Variants in ANO8 observed in about 807,000 individuals in gnomAD.
The protein encoded by ANO8 is anoctamin 8.
Under a neutral mutation model 120.4 loss-of-function variants are expected in ANO8, and 67 were observed. The ratio of observed to expected loss-of-function variants is 0.56; its 90% confidence interval spans 0.46 to 0.68. ANO8 has a LOEUF of 0.68. Among genes scored for constraint, ANO8 ranks in the 30% least tolerant of loss-of-function variants. The probability of loss-of-function intolerance (pLI) is 0.00; values close to 1 mark genes in which losing one functional copy is unlikely to be tolerated. For missense variants in ANO8, 1,526 were observed against 1,737.6 expected (o/e 0.88, Z 2.16); for synonymous variants, 727 against 759.2 (o/e 0.96, Z 0.70).
chr19:17,333,716 T>C lies in ANO8; in HGVS notation c.191A>G (p.Asn64Ser). The stretch of plus-strand genomic sequence containing the variant: ...TGGGAAGGTCATCAGCACGTCGCAG[T>C]TCTCTGTAGGCACCGTCTTCATCCA... ...KAWMKTVPTE[N>S]CDVLMTFPDT... Residue 64 changes from asparagine to serine, a missense_variant, in exon 2 of 18, where the codon AAC becomes AGC. By Grantham distance (46) the Asn-to-Ser change is conservative (BLOSUM62 1). Around this residue, in one of 8 missense-constraint regions of ANO8, gnomAD observed 322 missense variants for 431.8 expected, o/e 0.75. Coordinates refer to ENST00000159087, the MANE Select transcript of ANO8 (RefSeq NM_020959.3). The surrounding 1 kb of genome is among the most constrained non-coding windows in gnomAD (Gnocchi z 7.2). 6.2e-7 allele frequency: 1 copy of C among 1,606,836 alleles called. No homozygotes were observed. Among genetic ancestry groups the C allele is most frequent in the Non-Finnish European group, 8.5e-7 (1 of 1,177,826 alleles).
rs547087516 is a variant in ANO8, at chr19:17,327,993, T to TCAGCCAGC, written c.2227-121_2227-114dup. 307 of 1,448,960 alleles carry TCAGCCAGC rather than the reference T, an allele frequency of 2.1e-4. 1 individual carries two copies. In the East Asian group the frequency reaches 5.8e-3, roughly 27 times the overall value. The allele number at this position is 1,448,960 out of a possible 1,614,324, so 89.8% of individuals were successfully genotyped here. A position where few individuals can be genotyped will look rare whatever the true frequency, so the allele number is the denominator to read the frequency against. ...GTGGACCCAGGGCCTGTCCCCATCCTCAGCCAGCCCAGAGGCTTCCTGTAT... is the reference window on the plus strand; with the variant it reads ...GTGGACCCAGGGCCTGTCCCCATCCTCAGCCAGCCAGCCAGCCCAGAGGCTTCCTGTAT... On this transcript the variant is annotated intron_variant, in intron 13 of 17. Coordinates refer to ENST00000159087, the MANE Select transcript of ANO8 (RefSeq NM_020959.3).
intron 12 of ANO8, 163 bp downstream of exon 12, chr19:17,329,592 CAG>C: frequency 1.6e-6 from 1 of 623,880 alleles, no homozygotes; most frequent in Non-Finnish European, 2.8e-6. Flanking sequence ...GGACGACAGG[CAG>C]AGAGAGGACG....
rs752282232 is a variant in ANO8 at position 17,331,119 on chromosome 19, G to C, written c.800C>G (p.Ser267Cys). 2.5e-5 allele frequency: 40 copies of C among 1,614,112 alleles called. No individual in the cohort carries two copies. The highest frequency in any genetic ancestry group is 3.3e-5 in the Non-Finnish European group (39 of 1,180,046). The change falls in exon 7 of 18, where the codon TCT becomes TGT. Residue 267 changes from serine to cysteine, a missense_variant. Coordinates refer to ENST00000159087, the MANE Select transcript of ANO8 (RefSeq NM_020959.3). The part of the protein sequence containing the change: ...SAMVYPAVFG[S>C]VLYTFTEADQ... ...AGCCTCTGTGAATGTGTACAGGACA[G>C]ACCCGAAGACAGCTGGGTATACCAT...
At chr19:17,327,170 C>T in intron 16 of ANO8, 65 bp downstream of exon 16, 1 of 1,376,866 alleles carries the variant, frequency 7.3e-7, no homozygotes, top group African/African-American at 1.4e-5. Flanking sequence ...GAATTGGCCA[C>T]CAAGATCAGA....
chr19:17,324,274 GGTGGGCAGCCC>G (rs2074258215), intron 17 of ANO8, among the ~76,000 whole-genome samples: 1 of 152,100 alleles, frequency 6.6e-6, no homozygotes, highest in Non-Finnish European at 1.5e-5. Context: ...GAGCTCCCTG[GGTGGGCAGCCC>G]CAGCCCCACC....
At position 17,323,760 on chromosome 19, in the gene ANO8, G is replaced by A. The variant is rs1353249247; in HGVS notation, c.3456C>T (p.Asp1152=). 9.2e-6 allele frequency: 11 copies of A among 1,193,048 alleles called. No homozygotes were observed. Among genetic ancestry groups the A allele is most frequent in the South Asian group, 4.2e-5 (1 of 24,018 alleles). The allele number at this position is 1,193,048 out of a possible 1,614,324, so 73.9% of individuals were successfully genotyped here. A position where few individuals can be genotyped will look rare whatever the true frequency, so the allele number is the denominator to read the frequency against. The change falls in exon 18 of 18, where the codon GAC becomes GAT. Residue 1152 remains aspartate (D), a synonymous_variant. Transcript: ENST00000159087. ...PTPPAGCWQW[D]GPWGCGGEGA... is the part of the protein sequence containing the mutation. Reference sequence around the variant, plus strand: ...CCTCGCCCCCGCAGCCCCAGGGCCCGTCCCACTGCCAGCAGCCTGCGGGCG... The same window carrying A: ...CCTCGCCCCCGCAGCCCCAGGGCCCATCCCACTGCCAGCAGCCTGCGGGCG...
Position 17,333,879 on chromosome 19 carries a change from C to T in ANO8, c.107-79G>A. The T allele has an allele frequency of 8.1e-7, 1 of 1,235,730 alleles. No individual in the cohort carries two copies. The highest frequency in any genetic ancestry group is 1.2e-6 in the Non-Finnish European group (1 of 865,134). The allele number at this position is 1,235,730 out of a possible 1,614,324, so 76.5% of individuals were successfully genotyped here. A position where few individuals can be genotyped will look rare whatever the true frequency, so the allele number is the denominator to read the frequency against. Reference sequence around the variant, plus strand: ...CCTCCAGTCTTGGCTCCTCCTGCCCCCGCCAGGGCTCCTCACCACTCCACC... The same window carrying T: ...CCTCCAGTCTTGGCTCCTCCTGCCCTCGCCAGGGCTCCTCACCACTCCACC... On this transcript the variant is annotated intron_variant, in intron 1 of 17. Transcript: ENST00000159087. This position sits in a 1 kb window ranked among gnomAD's most constrained non-coding sequence, Gnocchi z 7.2.
At position 17,334,552 on chromosome 19, in the gene ANO8, G is replaced by A; in HGVS notation, c.106+13C>T. ...ACCTGCAACCCTGTCTGGTCCAGCCGCCGCACACATACCCAGAACTCCGGA... is the reference window on the plus strand; with the variant it reads ...ACCTGCAACCCTGTCTGGTCCAGCCACCGCACACATACCCAGAACTCCGGA... On this transcript the variant is annotated intron_variant, in intron 1 of 17. Coordinates refer to ENST00000159087, the MANE Select transcript of ANO8 (RefSeq NM_020959.3). The A allele has an allele frequency of 6.5e-7, 1 of 1,543,762 alleles. No individual in the cohort carries two copies. Among genetic ancestry groups the A allele is most frequent in the African/African-American group, 1.4e-5 (1 of 70,922 alleles).
chr19:17,328,336 GC>G lies in ANO8; in HGVS notation c.2051del (p.Gly684AlafsTer55). On this transcript the variant is annotated frameshift_variant, in exon 13 of 18. Coordinates refer to ENST00000159087, the MANE Select transcript of ANO8 (RefSeq NM_020959.3). LOFTEE classifies it high-confidence loss of function. Reference protein sequence around the residue: ...PPAILFRRAGGEGRDQGPDGG... With the variant: ...PPAILFRRAGXEGRDQGPDGG... ...CGTCGGGCCCCTGGTCTCGGCCCTC[GC>G]CCCCGGCCCGGCGGAACAAGATGGC... 2.5e-6 allele frequency: 4 copies of G among 1,581,050 alleles called. No individual in the cohort carries two copies. The highest frequency in any genetic ancestry group is 1.1e-5 in the South Asian group (1 of 88,392).
At position 17,323,264 on chromosome 19, in the gene ANO8, C is replaced by T. The variant is rs2074249123; in HGVS notation, c.*253G>A. The T allele has an allele frequency of 3.7e-6, 1 of 271,162 alleles. No homozygotes were observed. Among genetic ancestry groups the T allele is most frequent in the Admixed American group, 5.4e-5 (1 of 18,628 alleles). The allele number at this position is 271,162 out of a possible 1,614,324, so 16.8% of individuals were successfully genotyped here. ...TTTTTATTGCATTTCTGCCGTTTTA[C>T]AAAAATATGACAAAATAAATTAAAA... On this transcript the variant is annotated 3_prime_UTR_variant, in exon 18 of 18. Transcript: ENST00000159087.
chr19:17,333,680 G>T lies in ANO8; in HGVS notation c.217+10C>A. ...GGGCACTGGGCGGGCGGGCGGGCGG[G>T]CTTGGGTACCTGGGAAGGTCATCAG... On this transcript the variant is annotated intron_variant, in intron 2 of 17. Transcript: ENST00000159087. This position sits in a 1 kb window ranked among gnomAD's most constrained non-coding sequence, Gnocchi z 7.2. The T allele has an allele frequency of 1.4e-6, 1 of 716,206 alleles. No individual in the cohort carries two copies. Among genetic ancestry groups the T allele is most frequent in the Non-Finnish European group, 2.2e-6 (1 of 449,972 alleles). 44.4% of individuals were successfully genotyped at this position (716,206 alleles called of 1,614,324 possible). A position where few individuals can be genotyped will look rare whatever the true frequency, so the allele number is the denominator to read the frequency against.
At position 17,325,173 on chromosome 19, in the gene ANO8, C is replaced by A; in HGVS notation, c.2875G>T (p.Gly959Trp). ...KAKGSTAGGHGPERPKRPGSL... is the reference protein window; with the variant it reads ...KAKGSTAGGHWPERPKRPGSL... ...CCTGGGCGCTTGGGCCGTTCAGGCC[C>A]GTGGCCACCCGCAGTGCTGCCCTTG... is the stretch of plus-strand genomic sequence containing the variant. Residue 959 changes from glycine to tryptophan, a missense_variant, in exon 17 of 18, where the codon GGG becomes TGG. This residue lies in a region of ANO8 where 489 missense variants were observed against 548.6 expected (regional missense o/e 0.89). Transcript: ENST00000159087. 1 of 1,613,232 alleles carries A rather than the reference C, an allele frequency of 6.2e-7. No homozygotes were observed. Among genetic ancestry groups the A allele is most frequent in the East Asian group, 2.2e-5 (1 of 44,866 alleles).
Position 17,325,230 on chromosome 19 carries a change from C to T in ANO8, c.2818G>A (p.Ala940Thr). 6.2e-7 allele frequency: 1 copy of T among 1,611,226 alleles called. No individual in the cohort carries two copies. Among genetic ancestry groups the T allele is most frequent in the Admixed American group, 1.7e-5 (1 of 59,998 alleles). The change falls in exon 17 of 18, where the codon GCC becomes ACC. Residue 940 changes from alanine (A) to threonine (T), a missense_variant. Ala to Thr is a moderately conservative substitution (Grantham distance 58, BLOSUM62 0). Around this residue, in one of 8 missense-constraint regions of ANO8, gnomAD observed 489 missense variants for 548.6 expected, o/e 0.89. Coordinates refer to ENST00000159087, the MANE Select transcript of ANO8 (RefSeq NM_020959.3). ...GCAGAGGCCTTCTCGGAGGAGGTGG[C>T]AGGGTCCAGCCCAGAGCCCTCGGCC... ...ARAEGSGLDP[A>T]TSSEKASAKA...
Position 17,330,090 on chromosome 19 carries a change from G to A in ANO8, c.1273+35C>T, listed in dbSNP as rs370287450. 2.2e-5 allele frequency: 35 copies of A among 1,613,776 alleles called. No individual in the cohort carries two copies. In the African/African-American group the frequency reaches 4.4e-4, roughly 20 times the overall value. On this transcript the variant is annotated intron_variant, in intron 10 of 17. Coordinates refer to ENST00000159087, the MANE Select transcript of ANO8 (RefSeq NM_020959.3). The stretch of plus-strand genomic sequence containing the variant: ...GGCAGGGATCCCAAGGGGCAGTGGA[G>A]ACCTTCCTCCCAGAGACCCCCTGGC...
intron 12 of ANO8, chr19:17,329,219 G>T: frequency 2.2e-6 from 1 of 462,140 alleles, no homozygotes; most frequent in Non-Finnish European, 3.8e-6. Flanking sequence ...GGCCCAGCGC[G>T]TCTCCACCCC....
intron 1 of ANO8, 66 bp downstream of exon 1, chr19:17,334,499 C>T (rs2074346676): frequency 2.3e-6 from 3 of 1,329,706 alleles, no homozygotes; most frequent in Admixed American, 2.1e-5. Flanking sequence ...ATCCTCCTCC[C>T]CGTGTAGTTG....
chr19:17,330,163 T>A lies in ANO8; in HGVS notation c.1235A>T (p.Glu412Val). Residue 412 changes from glutamate to valine, a missense_variant, in exon 10 of 18, where the codon GAG (glutamate) becomes GTG (valine). By Grantham distance (121) the Glu-to-Val change is moderately radical. Around this residue, in one of 8 missense-constraint regions of ANO8, gnomAD observed 91 missense variants for 85.3 expected, o/e 1.07. Coordinates refer to ENST00000159087, the MANE Select transcript of ANO8 (RefSeq NM_020959.3). ...CCAGATGGCTAGCTTCTTGTAGCCC[T>A]CGGCACTCACACTGACAAGCAGGGC... is the stretch of plus-strand genomic sequence containing the variant. ...MLALLVSVSAEGYKKLAIWLN... is the reference protein window; with the variant it reads ...MLALLVSVSAVGYKKLAIWLN... The A allele has an allele frequency of 6.2e-7, 1 of 1,614,014 alleles. No individual in the cohort carries two copies.
Position 17,327,434 on chromosome 19 carries a change from C to G in ANO8, c.2550+4G>C. On this transcript the variant is annotated splice_donor_region_variant and intron_variant, in intron 15 of 17. Transcript: ENST00000159087. ...GCTGCCCCCGCCCCTGTCGCCGGCC[C>G]CACCTCGAGCACTACCACCGACACG... 5 of 1,604,806 alleles carry G rather than the reference C, an allele frequency of 3.1e-6. No individual in the cohort carries two copies. Among genetic ancestry groups the G allele is most frequent in the Non-Finnish European group, 3.4e-6 (4 of 1,175,758 alleles).
chr19:17,331,994 G>A (rs2074322645), intron 5 of ANO8, among the ~76,000 whole-genome samples: 1 of 130,894 alleles, frequency 7.6e-6, no homozygotes, highest in South Asian at 2.5e-4. Context: ...GAGTGCAGTA[G>A]TGCGATCTCA....
Sources: gnomAD v4.1 joint callset for allele counts (sites outside exome capture counted in the v4.1 genomes callset) on GRCh38, gnomAD v4.1.1 for gene constraint, gnomAD v4.1.1 regional missense constraint, Gnocchi (gnomAD v3.1) non-coding constraint, MANE v1.5 for transcripts, NCBI Gene and HGNC (gene_info 2026-07-23, HGNC 2026-07-21) for gene names.